ANKS1B: variants seen among roughly 807,000 people sequenced by gnomAD.
ANKS1B encodes ankyrin repeat and sterile alpha motif domain-containing protein 1B.
ANKS1B carries 36 observed loss-of-function variants against 148.3 expected under a neutral mutation model. The observed-to-expected ratio is 0.24, with a 90% CI of 0.19 to 0.32. The LOEUF (loss-of-function observed/expected upper bound fraction) is 0.32. Ranked by LOEUF, ANKS1B falls within the 10% of genes least tolerant of loss-of-function variation. The pLI, the probability that ANKS1B is intolerant of heterozygous loss-of-function variation, is 1.00. For synonymous variants in ANKS1B, 542 were observed against 560.8 expected, an observed-to-expected ratio of 0.97 and a Z score of 0.47; for missense variants, 1,157 against 1,542.6, an observed-to-expected ratio of 0.75 and a Z score of 4.19.
At chr12:99,802,265 T>A (rs140854322) in intron 4 of ANKS1B, among the ~76,000 whole-genome samples, 24 of 152,304 alleles carry the variant, frequency 1.6e-4, no homozygotes, top group African/African-American at 5.8e-4. Flanking sequence ...GTTCTTTAAC[T>A]CTTCAAGTCT....
chr12:99,151,699 T>A (rs2074976461), intron 15 of ANKS1B, among the ~76,000 whole-genome samples: 1 of 152,168 alleles, frequency 6.6e-6, no homozygotes, highest in South Asian at 2.1e-4. Context: ...TAGCAAATAA[T>A]TTTTAAAGCT....
At chr12:99,656,509 G>A (rs1206775661) in intron 8 of ANKS1B, among the ~76,000 whole-genome samples, 33 of 151,978 alleles carry the variant, frequency 2.2e-4, no homozygotes, top group Non-Finnish European at 1.0e-4. Context: ...AGAACAGAAA[G>A]TTACAAAATA....
At chr12:98,851,333 G>A (rs909065842) in intron 17 of ANKS1B, among the ~76,000 whole-genome samples, 1 of 152,160 alleles carries the variant, frequency 6.6e-6, no homozygotes, top group African/African-American at 2.4e-5. Flanking sequence ...CTCTACCTGG[G>A]GAGCTGGGGA....
intron 8 of ANKS1B, among the ~76,000 whole-genome samples, chr12:99,681,113 C>T (rs1398217701): frequency 1.3e-5 from 2 of 152,108 alleles, no homozygotes; most frequent in Non-Finnish European, 2.9e-5. Context: ...TCCATGGCCC[C>T]ACTCATCACC....
intron 10 of ANKS1B, among the ~76,000 whole-genome samples, chr12:99,453,335 C>T (rs2095790069): frequency 6.6e-6 from 1 of 151,968 alleles, no homozygotes; most frequent in Admixed American, 6.6e-5. Flanking sequence ...ATGAGTTGTA[C>T]TTCTGGGAAT....
At chr12:99,387,626 C>G (rs2152535600) in intron 12 of ANKS1B, among the ~76,000 whole-genome samples, 1 of 151,708 alleles carries the variant, frequency 6.6e-6, no homozygotes. Context: ...AAGAAGAAGC[C>G]CAAGGGAGCT....
chr12:99,796,223 C>T (rs761783838), intron 4 of ANKS1B, among the ~76,000 whole-genome samples: 1 of 151,994 alleles, frequency 6.6e-6, no homozygotes, highest in Non-Finnish European at 1.5e-5. Flanking sequence ...AGGGATGATT[C>T]ATGTCCCAGG....
At chr12:99,058,504 C>T (rs1599158514) in intron 16 of ANKS1B, among the ~76,000 whole-genome samples, 1 of 152,130 alleles carries the variant, frequency 6.6e-6, no homozygotes, top group East Asian at 1.9e-4. Context: ...CTGCCTCAAC[C>T]TCCCAAAGTG....
At chr12:99,354,323 AT>A (rs1566946090) in intron 12 of ANKS1B, among the ~76,000 whole-genome samples, 1 of 152,056 alleles carries the variant, frequency 6.6e-6, no homozygotes, top group Admixed American at 6.6e-5. Flanking sequence ...CCTAGAAAAC[AT>A]ATGAAAATGT....
At position 98,895,123 on chromosome 12, in the gene ANKS1B, G is replaced by A. The variant is rs1030429135; in HGVS notation, c.2779-62987C>T. The A allele has an allele frequency of 5.8e-5, 57 of 985,164 alleles. No individual in the cohort carries two copies. The African/African-American group carries it at 9.3e-4, about 16-fold the overall frequency. The allele number at this position is 985,164 out of a possible 1,614,324, so 61.0% of individuals were successfully genotyped here. ...GGGAGGTGTCGGCTTGGCCGCCGGGGAGGGCTTACCGCTCGGGCGGACCCT... is the reference window on the plus strand; with the variant it reads ...GGGAGGTGTCGGCTTGGCCGCCGGGAAGGGCTTACCGCTCGGGCGGACCCT... On this transcript the variant is annotated intron_variant, in intron 17 of 26. Coordinates refer to ENST00000683438, the MANE Select transcript of ANKS1B (RefSeq NM_001352186.2).
At chr12:99,874,650 C>A (rs754792938) in intron 1 of ANKS1B, among the ~76,000 whole-genome samples, 11 of 152,160 alleles carry the variant, frequency 7.2e-5, no homozygotes, top group South Asian at 2.1e-4. Flanking sequence ...TACTGACATA[C>A]ATATGCTGCT....
At position 99,219,064 on chromosome 12, in the gene ANKS1B, C is replaced by A. The variant is rs2084682777; in HGVS notation, c.2419+25278G>T. Among the ~76,000 whole-genome samples, 2 of 152,122 alleles carry A rather than the reference C, an allele frequency of 1.3e-5. 1 individual carries two copies. The highest frequency in any genetic ancestry group is 4.8e-5 in the African/African-American group (2 of 41,432). On this transcript the variant is annotated intron_variant, in intron 14 of 26. Coordinates refer to ENST00000683438, the MANE Select transcript of ANKS1B (RefSeq NM_001352186.2). ...GTCCTGAGAGATCAGATGATTCCTTCAGAGAAGAGGGTGAATTCTCATTAG... is the reference window on the plus strand; with the variant it reads ...GTCCTGAGAGATCAGATGATTCCTTAAGAGAAGAGGGTGAATTCTCATTAG...
intron 15 of ANKS1B, among the ~76,000 whole-genome samples, chr12:99,145,689 G>T (rs1043016226): frequency 6.6e-6 from 1 of 152,162 alleles, no homozygotes; most frequent in Admixed American, 6.6e-5. Context: ...TGAGGGCAGG[G>T]CTAGTATCTT....
chr12:99,192,429 A>C (rs2080857930), intron 14 of ANKS1B, among the ~76,000 whole-genome samples: 1 of 152,152 alleles, frequency 6.6e-6, no homozygotes, highest in Non-Finnish European at 1.5e-5. Context: ...TTAATTATTC[A>C]TGATTTCTTC....
chr12:99,431,972 G>A (rs1455462879), intron 11 of ANKS1B, among the ~76,000 whole-genome samples: 2 of 152,156 alleles, frequency 1.3e-5, no homozygotes, highest in East Asian at 3.9e-4. Context: ...TAGCAATACT[G>A]ACAGTTCCAA....
At chr12:98,747,546 A>G (rs567015036) in intron 26 of ANKS1B, among the ~76,000 whole-genome samples, 37 of 152,230 alleles carry the variant, frequency 2.4e-4, no homozygotes, top group Non-Finnish European at 4.0e-4. Flanking sequence ...AATAGCATGG[A>G]GGGTCCTCAA....
chr12:99,575,787 C>T (rs763999132), intron 9 of ANKS1B, among the ~76,000 whole-genome samples: 89 of 151,860 alleles, frequency 5.9e-4, no homozygotes, highest in Admixed American at 1.8e-3. Flanking sequence ...AAGTACTTTC[C>T]ACCAAAAAAA....
chr12:99,665,718 C>G (rs1252972304), intron 8 of ANKS1B, among the ~76,000 whole-genome samples: 3 of 152,124 alleles, frequency 2.0e-5, no homozygotes, highest in Non-Finnish European at 2.9e-5. Context: ...GATCTCCTGA[C>G]CTTGTGATCC....
intron 14 of ANKS1B, among the ~76,000 whole-genome samples, chr12:99,217,262 G>A (rs1480247167): frequency 6.6e-6 from 1 of 151,666 alleles, no homozygotes. Context: ...ACGACTTAAA[G>A]TCACTCATGT....
Sources: allele counts gnomAD v4.1 joint callset (sites outside exome capture counted in the v4.1 genomes callset), GRCh38; gene constraint gnomAD v4.1.1; transcripts MANE v1.5; gene names NCBI Gene and HGNC (gene_info 2026-07-23, HGNC 2026-07-21).